Variants in ERAP2 observed in about 807,000 individuals in gnomAD.
ERAP2 encodes the protein endoplasmic reticulum aminopeptidase 2.
In ERAP2, 118 loss-of-function variants were observed where a neutral mutation model predicts 111.1. The ratio of observed to expected loss-of-function variants is 1.06; its 90% confidence interval spans 0.92 to 1.24. The LOEUF (loss-of-function observed/expected upper bound fraction) is 1.24, where lower values mean the gene tolerates loss of function less well. Among genes scored for constraint, ERAP2 ranks in the 50% most tolerant of loss-of-function variants. ERAP2 has a pLI of 0.00. For missense variants in ERAP2, 1,131 were observed against 1,125.8 expected (o/e 1.00, Z -0.07); for synonymous variants, 410 against 401.2 (o/e 1.02, Z -0.26).
In ERAP2 at chr5:96,909,001, T is replaced by G; in HGVS notation, c.2053T>G (p.Tyr685Asp). 6.2e-7 allele frequency: 1 copy of G among 1,614,200 alleles called. No individual in the cohort carries two copies. Among genetic ancestry groups the G allele is most frequent in the South Asian group, 1.1e-5 (1 of 91,090 alleles). ...LTLDKALDMT[Y>D]YLQHETSSPA... is the part of the protein sequence containing the mutation. ...CCTAGACAAAGCTCTTGACATGACT[T>G]ACTACCTCCAACATGAAACAAGCAG... is the stretch of plus-strand genomic sequence containing the variant. The change falls in exon 14 of 19, where the codon TAC (tyrosine) becomes GAC (aspartate). Residue 685 changes from tyrosine (Y) to aspartate (D), a missense_variant. Physicochemically the swap from Tyr to Asp is radical, Grantham distance 160. Transcript: ENST00000437043.
At chr5:96,909,319 A>T (rs1325813889) in intron 14 of ERAP2, among the ~76,000 whole-genome samples, 1 of 152,234 alleles carries the variant, frequency 6.6e-6, no homozygotes, top group Non-Finnish European at 1.5e-5. Context: ...TGTGCAAAAC[A>T]TCTCTACTAA....
At chr5:96,901,417 T>G in intron 10 of ERAP2, 89 bp from the exon 11 acceptor site, 2 of 1,420,100 alleles carry the variant, frequency 1.4e-6, no homozygotes, top group Non-Finnish European at 1.9e-6. Flanking sequence ...AAGCCTTGTT[T>G]CTGGCATCCA....
chr5:96,891,644 C>A (rs1784409298), intron 5 of ERAP2, among the ~76,000 whole-genome samples: 2 of 151,806 alleles, frequency 1.3e-5, no homozygotes, highest in Admixed American at 1.3e-4. Flanking sequence ...CATTAGATTG[C>A]ACTTTTTCCC....
chr5:96,898,538 G>A (rs149215266), intron 9 of ERAP2, among the ~76,000 whole-genome samples: 2 of 133,512 alleles, frequency 1.5e-5, no homozygotes, highest in African/African-American at 5.7e-5. Context: ...GGTCAGTCTG[G>A]CCAACATGGT....
intron 15 of ERAP2, among the ~76,000 whole-genome samples, chr5:96,912,058 C>A (rs1374351703): frequency 6.7e-6 from 1 of 150,184 alleles, no homozygotes; most frequent in African/African-American, 2.4e-5. Flanking sequence ...GGCGCGGTGG[C>A]GGGCGCCTGT....
At chr5:96,916,944 A>G (rs890805109) in intron 18 of ERAP2, among the ~76,000 whole-genome samples, 1 of 152,150 alleles carries the variant, frequency 6.6e-6, no homozygotes, top group African/African-American at 2.4e-5. Context: ...TTGTAAGATG[A>G]GGATTTATAA....
At chr5:96,896,633 A>T in intron 8 of ERAP2, 99 bp from the exon 9 acceptor site, 1 of 1,425,292 alleles carries the variant, frequency 7.0e-7, no homozygotes, top group Non-Finnish European at 9.3e-7. Context: ...CACTTTTCAG[A>T]CATCACACAT....
chr5:96,913,326 A>G lies in ERAP2; in HGVS notation c.2526A>G (p.Glu842=). Residue 842 remains glutamate, a synonymous_variant, in exon 17 of 19, where the codon GAA becomes GAG. Coordinates refer to ENST00000437043, the MANE Select transcript of ERAP2 (RefSeq NM_022350.5). The part of the protein sequence containing the change: ...KHQEKLLKLI[E]LGMEGKVIKT... ...ATTTTTCTTTCTTCAGGTTAATTGA[A>G]CTAGGAATGGAAGGAAAGGTTATCA... The G allele has an allele frequency of 1.2e-6, 2 of 1,613,918 alleles. No homozygotes were observed. The highest frequency in any genetic ancestry group is 1.7e-6 in the Non-Finnish European group (2 of 1,179,880).
At position 96,892,358 on chromosome 5, in the gene ERAP2, T is replaced by G; in HGVS notation, c.1030T>G (p.Tyr344Asp). ...GAMENWGLITYRETSLLFDPK... is the reference protein window; with the variant it reads ...GAMENWGLITDRETSLLFDPK... ...CATGGAAAATTGGGGCCTCATTACA[T>G]ATAGGGAGACGTCACTGCTTTTTGA... is the stretch of plus-strand genomic sequence containing the variant. Residue 344 changes from tyrosine to aspartate, a missense_variant, in exon 6 of 19, where the codon TAT (tyrosine) becomes GAT (aspartate). This residue lies in a region of ERAP2 where 847 missense variants were observed against 856.5 expected (regional missense o/e 0.99). Coordinates refer to ENST00000437043, the MANE Select transcript of ERAP2 (RefSeq NM_022350.5). 6.2e-7 allele frequency: 1 copy of G among 1,614,056 alleles called. No homozygotes were observed. The highest frequency in any genetic ancestry group is 8.5e-7 in the Non-Finnish European group (1 of 1,179,954).
Position 96,918,927 on chromosome 5 carries a change from C to G in ERAP2, c.*1322C>G, listed in dbSNP as rs1292496637. The G allele has an allele frequency of 6.6e-6, 1 of 152,114 alleles. No individual in the cohort carries two copies. Among genetic ancestry groups the G allele is most frequent in the East Asian group, 1.9e-4 (1 of 5,184 alleles). The allele number at this position is 152,114 out of a possible 1,614,324, so 9.4% of individuals were successfully genotyped here. A position where few individuals can be genotyped will look rare whatever the true frequency, so the allele number is the denominator to read the frequency against. On this transcript the variant is annotated 3_prime_UTR_variant, in exon 19 of 19. Transcript: ENST00000437043. The stretch of plus-strand genomic sequence containing the variant: ...AGGGCGCTTCTTGCTCTCTGAAATG[C>G]CCTGCTAAATGCTTCTCTTAATTAT...
intron 3 of ERAP2, among the ~76,000 whole-genome samples, chr5:96,884,962 T>TG (rs71226974): frequency 0.61 from 92,282 of 151,942 alleles, 28,148 homozygotes; most frequent in Middle Eastern, 0.73. Context: ...GTTTTGTACT[T>TG]GAGATTACAT....
chr5:96,901,264 C>T (rs1343462575), intron 10 of ERAP2, among the ~76,000 whole-genome samples: 2 of 152,088 alleles, frequency 1.3e-5, no homozygotes, highest in African/African-American at 4.8e-5. Flanking sequence ...ACTGGCTTTT[C>T]CTGCCATGTA....
At chr5:96,890,562 T>C (rs1285486839) in intron 5 of ERAP2, among the ~76,000 whole-genome samples, 1 of 152,228 alleles carries the variant, frequency 6.6e-6, no homozygotes, top group African/African-American at 2.4e-5. Flanking sequence ...AGATTAGTGC[T>C]TGGGGTTTCT....
In ERAP2 at chr5:96,882,255, G is replaced by C. The variant is rs557058924; in HGVS notation, c.576-1537G>C. Among the ~76,000 whole-genome samples the C allele has an allele frequency of 3.3e-5, 5 of 152,166 alleles. 1 individual carries two copies. The highest frequency in any genetic ancestry group is 1.2e-4 in the African/African-American group (5 of 41,534). On this transcript the variant is annotated intron_variant, in intron 2 of 18. Transcript: ENST00000437043. ...GCTTTTTTCATTTTTTTCAAATGCC[G>C]AAGGCCCCATCCAAAGGACATATAT...
rs547334087 is a variant in ERAP2 at position 96,898,119 on chromosome 5, C to T, written c.1503+1256C>T. Among the ~76,000 whole-genome samples, 8 of 152,206 alleles carry T rather than the reference C, an allele frequency of 5.3e-5. No individual in the cohort carries two copies. In the South Asian group the frequency reaches 1.7e-3, roughly 32 times the overall value. ...GCTAAGGCAGGAGAATCACTTGAAC[C>T]CAGGAGCTGGAGGTTGCAGTGAGCC... On this transcript the variant is annotated intron_variant, in intron 9 of 18. Transcript: ENST00000437043.
chr5:96,895,215 C>A, intron 6 of ERAP2, 31 bp from the exon 7 acceptor site: 1 of 1,296,550 alleles, frequency 7.7e-7, no homozygotes, highest in Non-Finnish European at 1.1e-6. Flanking sequence ...ATTTGTTTAA[C>A]TTCTAATAAT....
chr5:96,910,264 C>CA (rs11455840), intron 15 of ERAP2: 83,015 of 134,694 alleles, frequency 0.62, 24,406 homozygotes, highest in South Asian at 0.74. Flanking sequence ...GGCCCTGTCT[C>CA]AAAAAAAAAA....
chr5:96,912,645 C>T lies in ERAP2; in HGVS notation c.2363C>T (p.Thr788Ile). ...TATGCTTGATATTACAGTATACCAA[C>T]AGATGTTTTAAAGATTGTGTATTCT... ...MESSGKLNIP[T>I]DVLKIVYSVG... Residue 788 changes from threonine to isoleucine, a missense_variant, in exon 16 of 19, where the codon ACA becomes ATA. Coordinates refer to ENST00000437043, the MANE Select transcript of ERAP2 (RefSeq NM_022350.5). 1 of 1,607,362 alleles carries T rather than the reference C, an allele frequency of 6.2e-7. No individual in the cohort carries two copies. The highest frequency in any genetic ancestry group is 8.5e-7 in the Non-Finnish European group (1 of 1,178,116).
intron 15 of ERAP2, among the ~76,000 whole-genome samples, chr5:96,910,504 T>G (rs1036239616): frequency 1.3e-5 from 2 of 152,190 alleles, no homozygotes; most frequent in Admixed American, 6.5e-5. Context: ...TCTCTTCTTT[T>G]TGTTTCTGTT....
Sources: allele counts gnomAD v4.1 joint callset (sites outside exome capture counted in the v4.1 genomes callset), GRCh38; gene constraint gnomAD v4.1.1; regional missense constraint gnomAD v4.1.1; transcripts MANE v1.5; gene names NCBI Gene and HGNC (gene_info 2026-07-23, HGNC 2026-07-21).